PLXDC2: variants seen among roughly 807,000 people sequenced by gnomAD.
PLXDC2 encodes plexin domain-containing protein 2.
In PLXDC2, 40 loss-of-function variants were observed where a neutral mutation model predicts 68.9. The ratio of observed to expected loss-of-function variants is 0.58; its 90% CI spans 0.45 to 0.76. The LOEUF is 0.76. Among genes scored for constraint, PLXDC2 ranks in the 30% least tolerant of loss-of-function variants. PLXDC2 has a pLI of 0.00. For synonymous variants in PLXDC2, 243 were observed against 234.2 expected (o/e 1.04, Z -0.34); for missense variants, 644 against 661.9 (o/e 0.97, Z 0.30).
At chr10:20,086,165 A>G (rs530205193) in intron 4 of PLXDC2, among the ~76,000 whole-genome samples, 4 of 151,984 alleles carry the variant, frequency 2.6e-5, no homozygotes, top group Admixed American at 2.0e-4. Flanking sequence ...AAAGAGAGCT[A>G]GTGCTTGTTG....
chr10:19,937,118 C>T (rs1296460144), intron 1 of PLXDC2, among the ~76,000 whole-genome samples: 3 of 152,180 alleles, frequency 2.0e-5, no homozygotes, highest in Admixed American at 6.5e-5. Flanking sequence ...ATCCTGATTT[C>T]CTTTGATCCT....
intron 13 of PLXDC2, among the ~76,000 whole-genome samples, chr10:20,258,243 C>T (rs1023252718): frequency 1.4e-4 from 21 of 151,874 alleles, no homozygotes; most frequent in Non-Finnish European, 7.4e-5. Context: ...CCCTGTGACC[C>T]GCCCGCCTCG....
chr10:20,119,919 G>T (rs1025344219), intron 4 of PLXDC2, among the ~76,000 whole-genome samples: 1 of 152,152 alleles, frequency 6.6e-6, no homozygotes, highest in Non-Finnish European at 1.5e-5. Context: ...GGTATTAAAG[G>T]TCTAAGAATT....
chr10:19,963,457 A>G (rs1163440938), intron 1 of PLXDC2, among the ~76,000 whole-genome samples: 1 of 152,228 alleles, frequency 6.6e-6, no homozygotes, highest in Non-Finnish European at 1.5e-5. Context: ...TAGTGCCACA[A>G]TAAACATATG....
intron 1 of PLXDC2, among the ~76,000 whole-genome samples, chr10:19,890,563 G>C (rs914892580): frequency 7.1e-6 from 1 of 141,616 alleles, no homozygotes; most frequent in Non-Finnish European, 1.5e-5. Context: ...TTTGAGCAGA[G>C]ACAGGGTTTC....
At chr10:19,964,472 A>C (rs188078115) in intron 1 of PLXDC2, among the ~76,000 whole-genome samples, 22 of 152,324 alleles carry the variant, frequency 1.4e-4, no homozygotes, top group African/African-American at 5.1e-4. Flanking sequence ...CTGCAGAAGA[A>C]ATAACTCAGA....
At chr10:19,959,899 A>G (rs115421134) in intron 1 of PLXDC2, among the ~76,000 whole-genome samples, 2,190 of 152,254 alleles carry the variant, frequency 0.014, 49 homozygotes, top group African/African-American at 0.05. Context: ...TTCTGTGTCT[A>G]TTATTTCAGA....
At chr10:20,023,031 C>T (rs557513688) in intron 2 of PLXDC2, among the ~76,000 whole-genome samples, 14 of 149,704 alleles carry the variant, frequency 9.4e-5, no homozygotes, top group Non-Finnish European at 5.9e-5. Context: ...ACCCTCCCCC[C>T]GCAAAAAAAG....
intron 1 of PLXDC2, among the ~76,000 whole-genome samples, chr10:19,882,003 T>G (rs1223032624): frequency 1.3e-5 from 2 of 152,216 alleles, no homozygotes; most frequent in African/African-American, 4.8e-5. Flanking sequence ...TGGAAAGGTT[T>G]TGACTGCTGG....
chr10:19,986,728 T>A (rs898815440), intron 1 of PLXDC2, among the ~76,000 whole-genome samples: 9 of 152,212 alleles, frequency 5.9e-5, no homozygotes, highest in African/African-American at 2.2e-4. Context: ...CCTCTCTTTA[T>A]CCACATGCCA....
chr10:19,996,773 A>G (rs533164600), intron 1 of PLXDC2, among the ~76,000 whole-genome samples: 2 of 152,242 alleles, frequency 1.3e-5, no homozygotes, highest in Admixed American at 6.5e-5. Flanking sequence ...AGGCCTCACA[A>G]TCATGGGGGA....
At chr10:19,968,374 ACG>A (rs1834299123) in intron 1 of PLXDC2, among the ~76,000 whole-genome samples, 1 of 152,114 alleles carries the variant, frequency 6.6e-6, no homozygotes, top group African/African-American at 2.4e-5. Flanking sequence ...GTGCAGTGGC[ACG>A]ATCTCCGCTC....
chr10:19,823,211 A>G (rs1487276898), intron 1 of PLXDC2, among the ~76,000 whole-genome samples: 3 of 152,032 alleles, frequency 2.0e-5, no homozygotes, highest in Non-Finnish European at 4.4e-5. Flanking sequence ...TTTTAATTTA[A>G]TATCTTAAAA....
chr10:20,202,490 G>A (rs1834933716), intron 9 of PLXDC2, among the ~76,000 whole-genome samples: 1 of 152,114 alleles, frequency 6.6e-6, no homozygotes. Flanking sequence ...ACCCAGCGGG[G>A]CTTAAACTTG....
intron 7 of PLXDC2, among the ~76,000 whole-genome samples, chr10:20,170,688 CAGTAGCCACATGTGGCTACT>C (rs2131820636): frequency 6.6e-6 from 1 of 152,126 alleles, no homozygotes; most frequent in African/African-American, 2.4e-5. Flanking sequence ...AGTGTGATTT[CAGTAGCCACATGTGGCTACT>C]ATGAACTTGC....
intron 1 of PLXDC2, among the ~76,000 whole-genome samples, chr10:19,875,031 C>A (rs964153624): frequency 1.3e-5 from 2 of 152,212 alleles, no homozygotes; most frequent in Non-Finnish European, 2.9e-5. Context: ...ACTTCTCTGG[C>A]ACCCTCTAAC....
chr10:20,261,790 G>C (rs749523870), intron 13 of PLXDC2, among the ~76,000 whole-genome samples: 1 of 152,144 alleles, frequency 6.6e-6, no homozygotes, highest in Non-Finnish European at 1.5e-5. Context: ...GGAGGCGGAG[G>C]TTGCGGTGAG....
chr10:20,047,116 T>G (rs1359854289), intron 3 of PLXDC2, 101 bp downstream of exon 3: 7 of 1,229,270 alleles, frequency 5.7e-6, no homozygotes, highest in Non-Finnish European at 7.7e-6. Context: ...TAATTAAATA[T>G]TAGAATGGCC....
chr10:19,916,213 C>A (rs1387414322), intron 1 of PLXDC2, among the ~76,000 whole-genome samples: 2 of 148,538 alleles, frequency 1.3e-5, no homozygotes, highest in Non-Finnish European at 3.0e-5. Flanking sequence ...ATGACAGGAT[C>A]ATGGCTCACT....
Sources: allele counts gnomAD v4.1 joint callset (sites outside exome capture counted in the v4.1 genomes callset), GRCh38; gene constraint gnomAD v4.1.1; transcripts MANE v1.5; gene names NCBI Gene and HGNC (gene_info 2026-07-23, HGNC 2026-07-21).